KIAA1549L: variants seen among roughly 807,000 people sequenced by gnomAD.
KIAA1549L encodes KIAA1549 like, also known as UPF0606 protein KIAA1549L.
In KIAA1549L, 88 loss-of-function variants were observed where a neutral mutation model predicts 160.7. That is an observed-to-expected ratio of 0.55 (90% CI 0.46 to 0.65). KIAA1549L has a LOEUF of 0.65. Among genes scored for constraint, KIAA1549L ranks in the 30% least tolerant of loss-of-function variants. The pLI, the probability that KIAA1549L is intolerant of heterozygous loss-of-function variation, is 0.00. For synonymous variants in KIAA1549L, 950 were observed against 976.7 expected, an observed-to-expected ratio of 0.97 and a Z score of 0.51; for missense variants, 2,258 against 2,437.5, an observed-to-expected ratio of 0.93 and a Z score of 1.55.
intron 1 of KIAA1549L, among the ~76,000 whole-genome samples, chr11:33,513,209 A>G (rs1040101562): frequency 1.3e-5 from 2 of 152,232 alleles, no homozygotes; most frequent in Non-Finnish European, 2.9e-5. Context: ...GCAAAATGAA[A>G]ATAAAACAAA....
chr11:33,511,087 G>T (rs566351237), intron 1 of KIAA1549L, among the ~76,000 whole-genome samples: 1 of 152,304 alleles, frequency 6.6e-6, no homozygotes, highest in East Asian at 1.9e-4. Context: ...CTAGAATGTG[G>T]GCTAGGCTCA....
At chr11:33,469,722 T>A (rs775507459) in intron 1 of KIAA1549L, among the ~76,000 whole-genome samples, 1 of 152,228 alleles carries the variant, frequency 6.6e-6, no homozygotes, top group Non-Finnish European at 1.5e-5. Flanking sequence ...TTAGTAGATG[T>A]GAAGTGTAGC....
chr11:33,649,969 G>A (rs560167932), intron 17 of KIAA1549L, among the ~76,000 whole-genome samples: 10 of 152,132 alleles, frequency 6.6e-5, no homozygotes, highest in African/African-American at 1.2e-4. Flanking sequence ...GGCCCAGGGC[G>A]TGAGAGATTC....
intron 1 of KIAA1549L, among the ~76,000 whole-genome samples, chr11:33,472,919 C>G (rs986337433): frequency 6.6e-6 from 1 of 152,176 alleles, no homozygotes; most frequent in Non-Finnish European, 1.5e-5. Flanking sequence ...ACAGGGCTTT[C>G]TCTGGACTTG....
At chr11:33,487,379 G>A (rs1167837423) in intron 1 of KIAA1549L, among the ~76,000 whole-genome samples, 1 of 151,696 alleles carries the variant, frequency 6.6e-6, no homozygotes, top group Admixed American at 6.6e-5. Context: ...GAGCCCTGGA[G>A]GCAGGGACCA....
At chr11:33,389,632 T>G (rs578194822) in intron 1 of KIAA1549L, among the ~76,000 whole-genome samples, 28 of 152,298 alleles carry the variant, frequency 1.8e-4, no homozygotes, top group South Asian at 8.3e-4. Flanking sequence ...TCCAGTTGGA[T>G]GGGGAATATT....
At chr11:33,662,938 A>G (rs754790331) in intron 20 of KIAA1549L, among the ~76,000 whole-genome samples, 1 of 152,160 alleles carries the variant, frequency 6.6e-6, no homozygotes, top group Non-Finnish European at 1.5e-5. Flanking sequence ...ATGTCCTATT[A>G]GTTGTTTTAA....
intron 16 of KIAA1549L, among the ~76,000 whole-genome samples, chr11:33,624,172 T>C (rs751810154): frequency 3.9e-5 from 6 of 152,178 alleles, no homozygotes; most frequent in Admixed American, 3.9e-4. Context: ...AAGAGTTGTC[T>C]CAAGTTTGGG....
At chr11:33,419,341 A>G (rs2134099974) in intron 1 of KIAA1549L, among the ~76,000 whole-genome samples, 1 of 152,328 alleles carries the variant, frequency 6.6e-6, no homozygotes, top group South Asian at 2.1e-4. Context: ...TGACATTTTT[A>G]TCAGCCAATC....
intron 1 of KIAA1549L, among the ~76,000 whole-genome samples, chr11:33,537,915 A>T (rs1178453087): frequency 6.6e-6 from 1 of 152,232 alleles, no homozygotes; most frequent in Non-Finnish European, 1.5e-5. Flanking sequence ...TGTTTCCCCT[A>T]AATCTTTAAA....
rs780630644 is a variant in KIAA1549L, at chr11:33,542,711, C to T, written c.1148C>T (p.Pro383Leu). ...SWSMLEVASG[P>L]ASTQQIKAGV... ...TCAATGTTGGAAGTGGCTTCAGGTC[C>T]TGCATCCACCCAGCAGATCAAAGCT... Residue 383 changes from proline to leucine, a missense_variant, in exon 2 of 21, where the codon CCT becomes CTT. Around this residue, in one of 6 missense-constraint regions of KIAA1549L, gnomAD observed 540 missense variants for 465.7 expected, o/e 1.16. Transcript: ENST00000658780. 3.1e-6 allele frequency: 5 copies of T among 1,613,884 alleles called. No individual in the cohort carries two copies. The African/African-American group carries it at 6.7e-5, about 22-fold the overall frequency.
intron 16 of KIAA1549L, among the ~76,000 whole-genome samples, chr11:33,627,597 G>T (rs964317376): frequency 6.6e-6 from 1 of 151,864 alleles, no homozygotes; most frequent in Admixed American, 6.6e-5. Flanking sequence ...TGGGATCGGT[G>T]GTGATATCCC....
intron 1 of KIAA1549L, among the ~76,000 whole-genome samples, chr11:33,419,866 A>ATACC (rs1173918379): frequency 4.4e-5 from 3 of 68,666 alleles, no homozygotes; most frequent in Non-Finnish European, 9.1e-5. Context: ...TTATACATAC[A>ATACC]TACATACATA....
chr11:33,478,422 G>A (rs933286796), intron 1 of KIAA1549L, among the ~76,000 whole-genome samples: 1 of 152,256 alleles, frequency 6.6e-6, no homozygotes, highest in Non-Finnish European at 1.5e-5. Flanking sequence ...GGGAGGAACA[G>A]AGCGAAAGAG....
At chr11:33,595,630 C>T (rs1038536903) in intron 12 of KIAA1549L, among the ~76,000 whole-genome samples, 3 of 152,134 alleles carry the variant, frequency 2.0e-5, no homozygotes, top group Non-Finnish European at 4.4e-5. Flanking sequence ...TCCAGCTGAC[C>T]ATGGGAGTCT....
chr11:33,652,538 G>A (rs1851926673), intron 17 of KIAA1549L, among the ~76,000 whole-genome samples: 1 of 152,152 alleles, frequency 6.6e-6, no homozygotes, highest in Non-Finnish European at 1.5e-5. Flanking sequence ...ACTGCTATAG[G>A]ACATCCACAG....
Position 33,667,898 on chromosome 11 carries a change from C to A in KIAA1549L, c.6185C>A (p.Ala2062Asp). Reference sequence around the variant, plus strand: ...GTGCCCCTCCCAGGGTACATCGAGGCCTACCCCCGATCACGGTACCCCCAG... The same window carrying A: ...GTGCCCCTCCCAGGGTACATCGAGGACTACCCCCGATCACGGTACCCCCAG... ...DSVPLPGYIE[A>D]YPRSRYPQSS... The change falls in exon 21 of 21, where the codon GCC becomes GAC. Residue 2062 changes from alanine (A) to aspartate (D), a missense_variant. Ala to Asp is a moderately radical substitution (Grantham distance 126). This residue lies in a region of KIAA1549L where 1,359 missense variants were observed against 1,546.6 expected (regional missense o/e 0.88). Transcript: ENST00000658780. 1.2e-6 allele frequency: 2 copies of A among 1,613,106 alleles called. No individual in the cohort carries two copies. Among genetic ancestry groups the A allele is most frequent in the Non-Finnish European group, 1.7e-6 (2 of 1,179,564 alleles).
chr11:33,412,774 T>A (rs574034466), intron 1 of KIAA1549L, among the ~76,000 whole-genome samples: 23 of 152,356 alleles, frequency 1.5e-4, no homozygotes, highest in African/African-American at 5.5e-4. Flanking sequence ...TCTGTTGAAG[T>A]ATTATGTAAA....
chr11:33,478,194 T>C (rs866372748), intron 1 of KIAA1549L, among the ~76,000 whole-genome samples: 1 of 152,260 alleles, frequency 6.6e-6, no homozygotes, highest in Admixed American at 6.5e-5. Flanking sequence ...AACTCACTGA[T>C]GACATGGTAT....
Sources: allele counts gnomAD v4.1 joint callset (sites outside exome capture counted in the v4.1 genomes callset), GRCh38; gene constraint gnomAD v4.1.1; regional missense constraint gnomAD v4.1.1; transcripts MANE v1.5; gene names NCBI Gene and HGNC (gene_info 2026-07-23, HGNC 2026-07-21).